The following PTPRN2 variants were observed in gnomAD, a reference collection of about 807,000 sequenced individuals.
The protein encoded by PTPRN2 is receptor-type tyrosine-protein phosphatase N2.
A neutral mutation model predicts 118.8 loss-of-function variants in PTPRN2; 74 were observed. The observed-to-expected ratio is 0.62, with a 90% confidence interval of 0.52 to 0.76. PTPRN2 has a LOEUF of 0.76. Ranked by LOEUF, PTPRN2 falls within the 30% of genes least tolerant of loss-of-function variation. The pLI is 0.00. For missense variants in PTPRN2, 1,481 were observed against 1,394.4 expected (o/e 1.06, Z -0.99); for synonymous variants, 641 against 608.0 (o/e 1.05, Z -0.80).
chr7:157,556,518 ACACAC>A (rs552424279), intron 21 of PTPRN2, among the ~76,000 whole-genome samples: 208 of 151,796 alleles, frequency 1.4e-3, no homozygotes, highest in African/African-American at 4.1e-3. Context: ...ACAGGCATGC[ACACAC>A]CACACAACAC....
chr7:157,734,103 C>T (rs1220079177), intron 12 of PTPRN2, among the ~76,000 whole-genome samples: 1 of 108,014 alleles, frequency 9.3e-6, no homozygotes. Flanking sequence ...TACCCTTTCC[C>T]GTCCCATGCG....
intron 12 of PTPRN2, among the ~76,000 whole-genome samples, chr7:157,791,959 G>A (rs1167340386): frequency 6.6e-6 from 1 of 152,228 alleles, no homozygotes; most frequent in African/African-American, 2.4e-5. Flanking sequence ...CTGCCGACCA[G>A]GCCTCCACGA....
At chr7:158,172,094 G>A (rs934914121) in intron 5 of PTPRN2, among the ~76,000 whole-genome samples, 4 of 152,136 alleles carry the variant, frequency 2.6e-5, no homozygotes, top group African/African-American at 9.7e-5. Flanking sequence ...TCAACCCACT[G>A]CATTTCCATA....
At chr7:157,568,414 G>A (rs1429252852) in intron 21 of PTPRN2, among the ~76,000 whole-genome samples, 1 of 152,216 alleles carries the variant, frequency 6.6e-6, no homozygotes, top group African/African-American at 2.4e-5. Context: ...TTGAGAGGGG[G>A]TGATTGACAT....
At chr7:158,172,126 C>T (rs1338940944) in intron 5 of PTPRN2, among the ~76,000 whole-genome samples, 5 of 152,230 alleles carry the variant, frequency 3.3e-5, no homozygotes, top group South Asian at 4.2e-4. Flanking sequence ...AGAACCCACT[C>T]GCCCACACAC....
chr7:158,020,581 A>T (rs1186036415), intron 11 of PTPRN2, among the ~76,000 whole-genome samples: 2 of 152,146 alleles, frequency 1.3e-5, no homozygotes, highest in Non-Finnish European at 2.9e-5. Flanking sequence ...TGAAGCCGTC[A>T]GGACAGAAGC....
At position 158,084,700 on chromosome 7, in the gene PTPRN2, C is replaced by T. The variant is rs566964868; in HGVS notation, c.1644-3323G>A. The stretch of plus-strand genomic sequence containing the variant: ...CCACGACGCCCATCCACACCCACCA[C>T]GCCCATCCACACCCACGACACTCAT... On this transcript the variant is annotated intron_variant, in intron 10 of 22. Transcript: ENST00000389418. Among the ~76,000 whole-genome samples, 11 of 148,744 alleles carry T rather than the reference C, an allele frequency of 7.4e-5. 1 individual carries two copies. Among genetic ancestry groups the T allele is most frequent in the East Asian group, 2.0e-4 (1 of 4,958 alleles).
intron 11 of PTPRN2, among the ~76,000 whole-genome samples, chr7:157,992,166 T>C (rs1201118924): frequency 1.3e-5 from 2 of 152,222 alleles, no homozygotes; most frequent in Admixed American, 1.3e-4. Flanking sequence ...ACATGGAAAA[T>C]TGTGTATCAC....
At chr7:157,656,699 C>G in intron 13 of PTPRN2, 148 bp from the exon 14 acceptor site, 1 of 818,232 alleles carries the variant, frequency 1.2e-6, no homozygotes, top group Non-Finnish European at 1.9e-6. Context: ...GGCAGGCCAG[C>G]GCAACATGAC....
At chr7:157,775,985 G>C (rs1459250836) in intron 12 of PTPRN2, among the ~76,000 whole-genome samples, 1 of 152,000 alleles carries the variant, frequency 6.6e-6, no homozygotes. Context: ...GGCCCGGGGG[G>C]ATAGCCGCAG....
chr7:157,755,941 C>T lies in PTPRN2; in HGVS notation c.1789-73004G>A, dbSNP rs192637560. On this transcript the variant is annotated intron_variant, in intron 12 of 22. Transcript: ENST00000389418. ...CATTGGTCACAGGCCCTTCCCACGGCAGCGTCCAGCACCCAGGTTCCCAGC... is the reference window on the plus strand; with the variant it reads ...CATTGGTCACAGGCCCTTCCCACGGTAGCGTCCAGCACCCAGGTTCCCAGC... Among the ~76,000 whole-genome samples the T allele has an allele frequency of 3.4e-3, 512 of 152,358 alleles. 2 individuals carry two copies. The highest frequency in any genetic ancestry group is 0.012 in the African/African-American group (502 of 41,578).
intron 11 of PTPRN2, among the ~76,000 whole-genome samples, chr7:157,917,142 G>A (rs1232535781): frequency 6.6e-6 from 1 of 152,040 alleles, no homozygotes; most frequent in African/African-American, 2.4e-5. Context: ...TCCCCACCAC[G>A]GCAGGGGCTG....
intron 6 of PTPRN2, among the ~76,000 whole-genome samples, chr7:158,143,839 T>A (rs1031264512): frequency 2.0e-5 from 3 of 152,096 alleles, no homozygotes; most frequent in African/African-American, 7.2e-5. Context: ...CTCCACACAC[T>A]AGCTTGGCAC....
chr7:158,008,051 A>AAGTGTGCTGTGTGTG (rs1805774780), intron 11 of PTPRN2, among the ~76,000 whole-genome samples: 3 of 96,276 alleles, frequency 3.1e-5, no homozygotes, highest in South Asian at 7.3e-4. Flanking sequence ...GTGTGTGTGG[A>AAGTGTGCTGTGTGTG]GGTGTGCTGT....
chr7:158,170,035 A>G (rs1481343692), intron 5 of PTPRN2, among the ~76,000 whole-genome samples: 1 of 152,196 alleles, frequency 6.6e-6, no homozygotes, highest in Non-Finnish European at 1.5e-5. Context: ...AAGTGATGTG[A>G]CTATAGCTAT....
Position 158,499,843 on chromosome 7 carries a change from A to G in PTPRN2, c.113-10058T>C, listed in dbSNP as rs199814752. Among the ~76,000 whole-genome samples the G allele has an allele frequency of 3.1e-3, 456 of 147,588 alleles. 1 individual carries two copies. The highest frequency in any genetic ancestry group is 4.6e-3 in the Non-Finnish European group (305 of 66,904). ...TATACACACACCCTCCAGTGTGTGT[A>G]TGTGTGTGTGTGTGTGTATAATTTT... On this transcript the variant is annotated intron_variant, in intron 1 of 22. Transcript: ENST00000389418.
At position 157,903,263 on chromosome 7, in the gene PTPRN2, T is replaced by G. The variant is rs1022414603; in HGVS notation, c.1724-4526A>C. ...GGAACAACAGACACGTAAGAGGGAATGTGAGAGGGAATGTGAGAGGGAGGT... is the reference window on the plus strand; with the variant it reads ...GGAACAACAGACACGTAAGAGGGAAGGTGAGAGGGAATGTGAGAGGGAGGT... On this transcript the variant is annotated intron_variant, in intron 11 of 22. Coordinates refer to ENST00000389418, the MANE Select transcript of PTPRN2 (RefSeq NM_002847.5). This position sits in a 1 kb window ranked among gnomAD's most constrained non-coding sequence, Gnocchi z 4.2. Among the ~76,000 whole-genome samples the G allele has an allele frequency of 3.3e-5, 5 of 151,676 alleles. No homozygotes were observed. Among genetic ancestry groups the G allele is most frequent in the Admixed American group, 3.3e-4 (5 of 15,256 alleles).
intron 11 of PTPRN2, among the ~76,000 whole-genome samples, chr7:158,062,293 A>G (rs1585306929): frequency 6.6e-6 from 1 of 152,234 alleles, no homozygotes. Context: ...TCCTGTGGAC[A>G]CCAGCCAGGG....
intron 2 of PTPRN2, among the ~76,000 whole-genome samples, chr7:158,467,963 AC>A (rs1324543906): frequency 1.3e-5 from 2 of 152,138 alleles, no homozygotes; most frequent in African/African-American, 4.8e-5. Flanking sequence ...GTGCTACTTT[AC>A]AGTAGCTAGT....
Sources: allele counts gnomAD v4.1 joint callset (sites outside exome capture counted in the v4.1 genomes callset), GRCh38; gene constraint gnomAD v4.1.1; non-coding constraint Gnocchi (gnomAD v3.1); transcripts MANE v1.5; gene names NCBI Gene and HGNC (gene_info 2026-07-23, HGNC 2026-07-21).